IFT80: variants seen among roughly 807,000 people sequenced by gnomAD.
IFT80 encodes intraflagellar transport protein 80 homolog.
IFT80 carries 79 observed loss-of-function variants against 107.9 expected under a neutral mutation model. The observed-to-expected ratio is 0.73, with a 90% CI of 0.61 to 0.88. The LOEUF is 0.88. Ranked by LOEUF, IFT80 falls within the 40% of genes least tolerant of loss-of-function variation. The pLI is 0.00. For synonymous variants in IFT80, 299 were observed against 300.9 expected, an observed-to-expected ratio of 0.99 and a Z score of 0.07; for missense variants, 797 against 914.2, an observed-to-expected ratio of 0.87 and a Z score of 1.65.
intron 8 of IFT80, among the ~76,000 whole-genome samples, chr3:160,345,042 A>G (rs750971245): frequency 2.6e-5 from 4 of 152,180 alleles, no homozygotes; most frequent in Non-Finnish European, 4.4e-5. Flanking sequence ...AGGTTCCTCA[A>G]AAAACTAAAA....
chr3:160,375,890 G>A lies in IFT80; in HGVS notation c.371-10C>T, dbSNP rs188321058. On this transcript the variant is annotated splice_polypyrimidine_tract_variant and intron_variant, in intron 4 of 19. Transcript: ENST00000326448. Reference sequence around the variant, plus strand: ...TGTCCATCTTCTCCAACTATACAGGGAAAAAAAAATTAATCAGTATTTTTA... The same window carrying A: ...TGTCCATCTTCTCCAACTATACAGGAAAAAAAAAATTAATCAGTATTTTTA... The A allele has an allele frequency of 4.5e-6, 7 of 1,558,912 alleles. No individual in the cohort carries two copies. Among genetic ancestry groups the A allele is most frequent in the African/African-American group, 1.4e-5 (1 of 73,058 alleles).
chr3:160,328,109 G>A (rs1474429421), intron 8 of IFT80, among the ~76,000 whole-genome samples: 1 of 152,108 alleles, frequency 6.6e-6, no homozygotes, highest in Non-Finnish European at 1.5e-5. Context: ...AATCATTGGA[G>A]AAATGCAAAT....
At chr3:160,365,459 C>T (rs1721800538) in intron 6 of IFT80, among the ~76,000 whole-genome samples, 1 of 152,072 alleles carries the variant, frequency 6.6e-6, no homozygotes, top group Non-Finnish European at 1.5e-5. Context: ...AAATCTCTTA[C>T]TCAAGACCTA....
intron 8 of IFT80, among the ~76,000 whole-genome samples, chr3:160,338,441 T>C (rs1178034481): frequency 6.6e-6 from 1 of 152,136 alleles, no homozygotes; most frequent in Non-Finnish European, 1.5e-5. Context: ...AAGACCAGCC[T>C]GGGCAACATA....
intron 5 of IFT80, among the ~76,000 whole-genome samples, chr3:160,366,523 C>A (rs1468599868): frequency 6.6e-6 from 1 of 151,962 alleles, no homozygotes; most frequent in East Asian, 1.9e-4. Context: ...CATTTCCCAT[C>A]ATTGACAGCC....
intron 6 of IFT80, among the ~76,000 whole-genome samples, chr3:160,362,144 A>G (rs929018662): frequency 6.6e-6 from 1 of 152,102 alleles, no homozygotes; most frequent in Non-Finnish European, 1.5e-5. Context: ...GACTAATAAA[A>G]GGAGAAGAGA....
At chr3:160,324,846 G>T (rs1220953429) in intron 8 of IFT80, among the ~76,000 whole-genome samples, 1 of 152,096 alleles carries the variant, frequency 6.6e-6, no homozygotes, top group Non-Finnish European at 1.5e-5. Context: ...AATTGTCCCT[G>T]TTTGCAGACG....
intron 12 of IFT80, among the ~76,000 whole-genome samples, chr3:160,289,486 G>A (rs1286919647): frequency 2.0e-5 from 3 of 152,080 alleles, no homozygotes; most frequent in African/African-American, 4.8e-5. Flanking sequence ...TTAAAGAAAC[G>A]AGGTGAAAAA....
At chr3:160,373,667 T>G (rs1711732819) in intron 5 of IFT80, 1 of 173,238 alleles carries the variant, frequency 5.8e-6, no homozygotes, top group Non-Finnish European at 1.2e-5. Context: ...AACAAGATGG[T>G]CACTGCTGGG....
intron 10 of IFT80, among the ~76,000 whole-genome samples, 168 bp downstream of exon 10, chr3:160,307,495 T>C (rs376908559): frequency 1.3e-5 from 2 of 152,336 alleles, no homozygotes; most frequent in African/African-American, 4.8e-5. Context: ...CTATTTTCAC[T>C]GCTCTAAGTT....
At chr3:160,322,802 T>C (rs1372530319) in intron 8 of IFT80, among the ~76,000 whole-genome samples, 17 of 152,338 alleles carry the variant, frequency 1.1e-4, no homozygotes, top group African/African-American at 3.6e-4. Context: ...ATGAGCATTT[T>C]TTCATGTGTC....
chr3:160,292,135 T>C (rs1187800553), intron 12 of IFT80, among the ~76,000 whole-genome samples: 3 of 152,162 alleles, frequency 2.0e-5, no homozygotes, highest in East Asian at 1.9e-4. Flanking sequence ...CTGACATGAA[T>C]AGATGCCGAG....
intron 12 of IFT80, among the ~76,000 whole-genome samples, chr3:160,292,227 A>C (rs1168615615): frequency 6.6e-6 from 1 of 152,220 alleles, no homozygotes; most frequent in Non-Finnish European, 1.5e-5. Flanking sequence ...AACATAATGC[A>C]TTGATTTGGA....
chr3:160,305,367 C>T (rs1268882486), intron 10 of IFT80, among the ~76,000 whole-genome samples: 1 of 152,004 alleles, frequency 6.6e-6, no homozygotes, highest in Non-Finnish European at 1.5e-5. Flanking sequence ...AAATAAATTA[C>T]TGCTAATAAT....
At chr3:160,355,409 T>C (rs1370345938) in intron 8 of IFT80, among the ~76,000 whole-genome samples, 3 of 152,040 alleles carry the variant, frequency 2.0e-5, no homozygotes, top group African/African-American at 7.3e-5. Flanking sequence ...CCATCATGCC[T>C]GGCAAATTTT....
At chr3:160,389,225 G>A (rs1157410830) in intron 1 of IFT80, among the ~76,000 whole-genome samples, 2 of 152,058 alleles carry the variant, frequency 1.3e-5, no homozygotes, top group African/African-American at 4.8e-5. Context: ...AAGTGATGGG[G>A]ATAATTACCC....
chr3:160,362,334 T>C (rs1035124551), intron 6 of IFT80, among the ~76,000 whole-genome samples: 5 of 150,270 alleles, frequency 3.3e-5, no homozygotes, highest in South Asian at 2.1e-4. Context: ...CAGGAAGAAG[T>C]TGAATAGACT....
At chr3:160,320,935 C>T (rs1382612278) in intron 8 of IFT80, among the ~76,000 whole-genome samples, 1 of 151,744 alleles carries the variant, frequency 6.6e-6, no homozygotes, top group Non-Finnish European at 1.5e-5. Flanking sequence ...AAAGTTCATA[C>T]ATAACATAAA....
chr3:160,261,523 G>T (rs1712831000), intron 19 of IFT80, among the ~76,000 whole-genome samples: 1 of 149,194 alleles, frequency 6.7e-6, no homozygotes. Context: ...ACCAGGAATA[G>T]AATAGGAGGT....
Sources: allele counts gnomAD v4.1 joint callset (sites outside exome capture counted in the v4.1 genomes callset), GRCh38; gene constraint gnomAD v4.1.1; transcripts MANE v1.5; gene names NCBI Gene and HGNC (gene_info 2026-07-23, HGNC 2026-07-21).